The following PIK3C2G variants were observed in gnomAD, a reference collection of about 807,000 sequenced individuals.
The protein encoded by PIK3C2G is phosphatidylinositol-4-phosphate 3-kinase catalytic subunit type 2 gamma, also known as phosphatidylinositol 3-kinase C2 domain-containing subunit gamma.
Under a neutral mutation model 181.1 loss-of-function variants are expected in PIK3C2G, and 168 were observed. The observed-to-expected ratio is 0.93, with a 90% CI of 0.82 to 1.05. The LOEUF is 1.05. PIK3C2G is among the 50% of genes least tolerant of loss of function. The pLI is 0.00. For synonymous variants in PIK3C2G, 573 were observed against 592.2 expected (o/e 0.97, Z 0.47); for missense variants, 1,869 against 1,732.8 (o/e 1.08, Z -1.40).
At chr12:18,558,636 G>A (rs1170939036) in intron 26 of PIK3C2G, among the ~76,000 whole-genome samples, 1 of 152,114 alleles carries the variant, frequency 6.6e-6, no homozygotes, top group Non-Finnish European at 1.5e-5. Context: ...CTGAGCTTGT[G>A]GACTAGCTGT....
intron 19 of PIK3C2G, among the ~76,000 whole-genome samples, chr12:18,490,517 C>T (rs553009758): frequency 6.6e-6 from 1 of 152,214 alleles, no homozygotes; most frequent in East Asian, 1.9e-4. Flanking sequence ...TCCCCCTGCC[C>T]CCTGCTGCAC....
At chr12:18,675,654 G>A in the PIK3C2G span, among the ~76,000 whole-genome samples, 1 of 152,062 alleles carries the variant, frequency 6.6e-6, no homozygotes, top group Admixed American at 6.6e-5. Context: ...TAAATAAAAT[G>A]TGATATATAT....
intron 1 of PIK3C2G, among the ~76,000 whole-genome samples, chr12:18,280,612 G>A (rs980624262): frequency 2.6e-5 from 4 of 151,870 alleles, no homozygotes; most frequent in African/African-American, 4.8e-5. Context: ...GTAGTGTCAC[G>A]GGTCGTTAAG....
chr12:18,539,712 T>G (rs1245584947), intron 25 of PIK3C2G, among the ~76,000 whole-genome samples: 1 of 151,830 alleles, frequency 6.6e-6, no homozygotes, highest in Non-Finnish European at 1.5e-5. Flanking sequence ...TTGATTTGGA[T>G]TCTTGTTTTA....
intron 9 of PIK3C2G, 76 bp downstream of exon 9, chr12:18,338,624 T>C: frequency 2.1e-6 from 2 of 931,244 alleles, no homozygotes; most frequent in South Asian, 3.0e-5. Context: ...AAAGACTTTT[T>C]ACTAACAACT....
At chr12:18,701,606 A>ATCATCCTCC in the PIK3C2G span, 1 of 1,523,292 alleles carries the variant, frequency 6.6e-7, no homozygotes, top group South Asian at 1.2e-5. Context: ...CTTTGAATTT[A>ATCATCCTCC]TCCTCCTCCT....
At chr12:18,264,426 T>C (rs1198005292) in intron 1 of PIK3C2G, among the ~76,000 whole-genome samples, 1 of 152,190 alleles carries the variant, frequency 6.6e-6, no homozygotes, top group Admixed American at 6.5e-5. Flanking sequence ...AAGCACATTC[T>C]TTAAAAATTT....
chr12:18,346,407 A>G (rs1388726166), intron 10 of PIK3C2G, among the ~76,000 whole-genome samples: 1 of 152,198 alleles, frequency 6.6e-6, no homozygotes, highest in African/African-American at 2.4e-5. Context: ...TGAAAAGGCC[A>G]TGCTTCCAAG....
rs573621806 is a variant in PIK3C2G, at chr12:18,517,269, T to C, written c.3323+11808T>C. On this transcript the variant is annotated intron_variant, in intron 24 of 32. Transcript: ENST00000538779. The stretch of plus-strand genomic sequence containing the variant: ...CTGCACAAGACCTAACTTGCTGCCC[T>C]GCCATTGTTTCTCAGTCTGGGGAAC... 4.6e-5 allele frequency among the ~76,000 whole-genome samples: 7 copies of C among 152,240 alleles called. No homozygotes were observed. The East Asian group carries it at 1.3e-3, about 29-fold the overall frequency.
chr12:18,322,628 C>G (rs1951162518), intron 7 of PIK3C2G, among the ~76,000 whole-genome samples: 1 of 152,028 alleles, frequency 6.6e-6, no homozygotes, highest in African/African-American at 2.4e-5. Flanking sequence ...TAAGGCCATT[C>G]TAGTCATCAG....
chr12:18,342,344 A>AT (rs1939220424), intron 9 of PIK3C2G, among the ~76,000 whole-genome samples: 3 of 152,250 alleles, frequency 2.0e-5, no homozygotes, highest in East Asian at 3.9e-4. Flanking sequence ...ATGTAATGAC[A>AT]TTTTAAACAT....
At chr12:18,460,446 C>T (rs1035897006) in intron 18 of PIK3C2G, among the ~76,000 whole-genome samples, 18 of 151,740 alleles carry the variant, frequency 1.2e-4, no homozygotes, top group Admixed American at 8.5e-4. Context: ...TGGTGGCACG[C>T]GCCTGTAATC....
At chr12:18,522,059 G>C (rs1027854414) in intron 24 of PIK3C2G, among the ~76,000 whole-genome samples, 1 of 152,164 alleles carries the variant, frequency 6.6e-6, no homozygotes, top group African/African-American at 2.4e-5. Flanking sequence ...CCTCTCTGTG[G>C]GTCACACCAG....
chr12:18,703,143 G>A, the PIK3C2G span, among the ~76,000 whole-genome samples: 1 of 152,034 alleles, frequency 6.6e-6, no homozygotes, highest in Non-Finnish European at 1.5e-5. Context: ...CTATGATTTG[G>A]GTTTAATCTT....
In PIK3C2G at chr12:18,587,748, C is replaced by CAAACA. The variant is rs147292830; in HGVS notation, c.4012-6718_4012-6714dup. On this transcript the variant is annotated intron_variant, in intron 29 of 32. Transcript: ENST00000538779. ...AAAAACCAACAACAACAATAACAAC[C>CAAACA]AAACAAAACAAAACAAAACAAAACA... Among the ~76,000 whole-genome samples, 1,074 of 151,022 alleles carry CAAACA rather than the reference C, an allele frequency of 7.1e-3. 2 individuals carry two copies. The highest frequency in any genetic ancestry group is 0.01 in the African/African-American group (428 of 41,108).
chr12:18,274,812 A>T (rs574898940), intron 1 of PIK3C2G, among the ~76,000 whole-genome samples: 9 of 152,280 alleles, frequency 5.9e-5, no homozygotes, highest in South Asian at 2.1e-4. Flanking sequence ...ATAATAATAA[A>T]AAAAAGCCTA....
At chr12:18,717,724 C>G in the PIK3C2G span, among the ~76,000 whole-genome samples, 1 of 152,248 alleles carries the variant, frequency 6.6e-6, no homozygotes, top group Admixed American at 6.5e-5. Flanking sequence ...GAATGAACAT[C>G]TTGATTCCTC....
intron 31 of PIK3C2G, among the ~76,000 whole-genome samples, chr12:18,614,135 T>A (rs1396140472): frequency 6.6e-6 from 1 of 152,086 alleles, no homozygotes; most frequent in Non-Finnish European, 1.5e-5. Context: ...AAGGATGATT[T>A]CCTAATAACA....
chr12:18,595,557 CA>C (rs1418181854), intron 30 of PIK3C2G, among the ~76,000 whole-genome samples: 2 of 152,104 alleles, frequency 1.3e-5, no homozygotes. Flanking sequence ...ACTAACTAAA[CA>C]TGCCTTGGGA....
Sources: allele counts gnomAD v4.1 joint callset (sites outside exome capture counted in the v4.1 genomes callset), GRCh38; gene constraint gnomAD v4.1.1; transcripts MANE v1.5; gene names NCBI Gene and HGNC (gene_info 2026-07-23, HGNC 2026-07-21).